The following JARID2 variants were observed in gnomAD, a reference collection of about 807,000 sequenced individuals.
The protein encoded by JARID2 is jumonji and AT-rich interaction domain containing 2, also known as protein Jumonji.
JARID2 carries 21 observed loss-of-function variants against 125.6 expected under a neutral mutation model. That is an observed-to-expected ratio of 0.17 (90% CI 0.12 to 0.24). The LOEUF is 0.24. Among genes scored for constraint, JARID2 ranks in the 10% least tolerant of loss-of-function variants. The pLI is 1.00. For missense variants in JARID2, 1,303 were observed against 1,639.6 expected (o/e 0.79, Z 3.55); for synonymous variants, 736 against 661.6 (o/e 1.11, Z -1.73).
intron 1 of JARID2, among the ~76,000 whole-genome samples, chr6:15,273,005 G>A (rs1037530735): frequency 1.3e-5 from 2 of 152,058 alleles, no homozygotes; most frequent in African/African-American, 4.8e-5. Context: ...TTATATTTGT[G>A]TTTTCTTATC....
chr6:15,373,649 A>G (rs1312459941), intron 1 of JARID2, among the ~76,000 whole-genome samples: 1 of 152,190 alleles, frequency 6.6e-6, no homozygotes, highest in Non-Finnish European at 1.5e-5. Flanking sequence ...CACAGCACCC[A>G]TATCTGCTGT....
chr6:15,401,901 T>TC (rs1491039718), intron 2 of JARID2, among the ~76,000 whole-genome samples: 2 of 33,808 alleles, frequency 5.9e-5, no homozygotes, highest in African/African-American at 2.1e-4. Context: ...GTCAGCAGTT[T>TC]TTTTTTTTTT....
intron 1 of JARID2, among the ~76,000 whole-genome samples, chr6:15,315,436 C>T (rs1245571977): frequency 1.3e-5 from 2 of 152,310 alleles, no homozygotes. Flanking sequence ...TCTTGGAGAA[C>T]TGCAGTCTCT....
chr6:15,453,890 A>G (rs919247138), intron 4 of JARID2, among the ~76,000 whole-genome samples: 2 of 152,118 alleles, frequency 1.3e-5, no homozygotes, highest in Admixed American at 1.3e-4. Flanking sequence ...CTGCTTTCTT[A>G]TAGGGATAAG....
intron 1 of JARID2, among the ~76,000 whole-genome samples, chr6:15,360,018 C>A (rs1156789215): frequency 6.6e-6 from 1 of 152,118 alleles, no homozygotes; most frequent in African/African-American, 2.4e-5. Context: ...TCCACTGTTA[C>A]ATTAGCAAAA....
At chr6:15,315,807 T>C (rs1024781761) in intron 1 of JARID2, among the ~76,000 whole-genome samples, 1 of 152,168 alleles carries the variant, frequency 6.6e-6, no homozygotes, top group Non-Finnish European at 1.5e-5. Flanking sequence ...AGTCCTGTAG[T>C]GTGTGCTAAC....
intron 3 of JARID2, among the ~76,000 whole-genome samples, chr6:15,443,277 A>T (rs146709005): frequency 9.2e-5 from 14 of 152,258 alleles, no homozygotes; most frequent in African/African-American, 3.4e-4. Context: ...TTAAGTAGTT[A>T]TGTCAGCGTT....
intron 2 of JARID2, among the ~76,000 whole-genome samples, chr6:15,394,690 A>T (rs1765152765): frequency 6.6e-6 from 1 of 152,338 alleles, no homozygotes; most frequent in African/African-American, 2.4e-5. Flanking sequence ...TTGAAATTGT[A>T]CTGGAATAAC....
chr6:15,478,584 T>C (rs1769463957), intron 5 of JARID2, among the ~76,000 whole-genome samples: 1 of 152,134 alleles, frequency 6.6e-6, no homozygotes, highest in South Asian at 2.1e-4. Context: ...ACAAATTCCT[T>C]ACTCAAATCC....
chr6:15,360,902 C>G (rs1320735927), intron 1 of JARID2, among the ~76,000 whole-genome samples: 2 of 152,206 alleles, frequency 1.3e-5, no homozygotes, highest in Non-Finnish European at 2.9e-5. Context: ...GACTTGACTT[C>G]ACTCCTGACT....
chr6:15,407,475 C>G (rs189155775), intron 2 of JARID2, among the ~76,000 whole-genome samples: 2 of 152,264 alleles, frequency 1.3e-5, no homozygotes, highest in East Asian at 1.9e-4. Flanking sequence ...TACTTACTTG[C>G]TAAATCATTT....
chr6:15,443,667 C>G (rs918321466), intron 3 of JARID2, among the ~76,000 whole-genome samples: 1 of 152,038 alleles, frequency 6.6e-6, no homozygotes, highest in Non-Finnish European at 1.5e-5. Flanking sequence ...AATGATAGAT[C>G]CAAAAGATTT....
intron 5 of JARID2, among the ~76,000 whole-genome samples, chr6:15,474,822 T>C: frequency 6.6e-6 from 1 of 152,248 alleles, no homozygotes. Context: ...ATTAAAACTT[T>C]TATATCCCAC....
chr6:15,358,883 A>G (rs1344120464), intron 1 of JARID2, among the ~76,000 whole-genome samples: 1 of 152,240 alleles, frequency 6.6e-6, no homozygotes, highest in Non-Finnish European at 1.5e-5. Flanking sequence ...TAGAGCAGCC[A>G]TTCTGAGTTT....
intron 3 of JARID2, among the ~76,000 whole-genome samples, chr6:15,431,652 TAAAG>T (rs747610448): frequency 6.6e-6 from 1 of 152,258 alleles, no homozygotes; most frequent in African/African-American, 2.4e-5. Flanking sequence ...ATTAAGTTTC[TAAAG>T]AAAGTGTTGA....
intron 2 of JARID2, among the ~76,000 whole-genome samples, chr6:15,409,753 A>G (rs756443950): frequency 6.6e-6 from 1 of 152,222 alleles, no homozygotes; most frequent in Non-Finnish European, 1.5e-5. Flanking sequence ...TTTCTAGTTA[A>G]TATCTAAGAT....
intron 1 of JARID2, among the ~76,000 whole-genome samples, chr6:15,301,628 A>G (rs535265214): frequency 5.3e-5 from 8 of 152,358 alleles, no homozygotes; most frequent in African/African-American, 1.9e-4. Context: ...AGTCCTTAAA[A>G]GTAGTTTTTG....
chr6:15,268,813 GCAT>G (rs1363237340), intron 1 of JARID2, among the ~76,000 whole-genome samples: 1 of 152,140 alleles, frequency 6.6e-6, no homozygotes, highest in Non-Finnish European at 1.5e-5. Flanking sequence ...CCTTTTCACA[GCAT>G]CTCTCATTTA....
intron 5 of JARID2, among the ~76,000 whole-genome samples, chr6:15,478,434 T>C (rs766276263): frequency 1.3e-5 from 2 of 152,142 alleles, no homozygotes; most frequent in African/African-American, 2.4e-5. Context: ...ATTTAGTTTT[T>C]TCGTGCTAAT....
Sources: allele counts gnomAD v4.1 joint callset (sites outside exome capture counted in the v4.1 genomes callset), GRCh38; gene constraint gnomAD v4.1.1; transcripts MANE v1.5; gene names NCBI Gene and HGNC (gene_info 2026-07-23, HGNC 2026-07-21).